ARL15: variants seen among roughly 807,000 people sequenced by gnomAD.
ARL15 encodes the protein ARF like GTPase 15.
A neutral mutation model predicts 25.2 loss-of-function variants in ARL15; 19 were observed. That is an observed-to-expected ratio of 0.75 (90% CI 0.53 to 1.10). ARL15 has a LOEUF of 1.10. Among genes scored for constraint, ARL15 ranks in the 50% least tolerant of loss-of-function variants. The pLI is 0.00. For missense variants in ARL15, 220 were observed against 246.0 expected (o/e 0.89, Z 0.71); for synonymous variants, 94 against 86.8 (o/e 1.08, Z -0.46).
intron 4 of ARL15, among the ~76,000 whole-genome samples, chr5:53,905,568 C>T (rs1016237980): frequency 6.6e-6 from 1 of 152,104 alleles, no homozygotes; most frequent in African/African-American, 2.4e-5. Context: ...TTTCTTAGCC[C>T]ATGCCCTGAT....
intron 1 of ARL15, among the ~76,000 whole-genome samples, chr5:54,298,941 T>A (rs887325441): frequency 6.6e-6 from 1 of 151,940 alleles, no homozygotes; most frequent in African/African-American, 2.4e-5. Flanking sequence ...TCTTGTTCTG[T>A]CACCCAGGCT....
At chr5:53,940,840 C>T (rs1472998711) in intron 4 of ARL15, among the ~76,000 whole-genome samples, 1 of 152,174 alleles carries the variant, frequency 6.6e-6, no homozygotes, top group African/African-American at 2.4e-5. Context: ...ATGATCACAT[C>T]ATGCAGCTGA....
At chr5:53,887,466 C>G (rs1744569178) in intron 4 of ARL15, 2 of 678,722 alleles carry the variant, frequency 2.9e-6, no homozygotes, top group Admixed American at 4.4e-5. Flanking sequence ...GTCACTCTTA[C>G]TATATTGGCC....
At chr5:53,963,452 T>C (rs1387545115) in intron 4 of ARL15, among the ~76,000 whole-genome samples, 3 of 152,338 alleles carry the variant, frequency 2.0e-5, no homozygotes, top group Non-Finnish European at 4.4e-5. Flanking sequence ...CCCAATTTTA[T>C]GAATTTCATA....
chr5:53,948,642 C>G (rs2112108741), intron 4 of ARL15, among the ~76,000 whole-genome samples: 1 of 152,278 alleles, frequency 6.6e-6, no homozygotes, highest in African/African-American at 2.4e-5. Flanking sequence ...ATTATTATTT[C>G]CAAGTGGACA....
chr5:53,988,767 T>C (rs1168327517), intron 4 of ARL15, among the ~76,000 whole-genome samples: 2 of 152,148 alleles, frequency 1.3e-5, no homozygotes, highest in African/African-American at 4.8e-5. Context: ...AAAACCTCAA[T>C]ACAAGTCCAG....
chr5:53,928,242 G>A (rs549951264), intron 4 of ARL15, among the ~76,000 whole-genome samples: 1 of 152,294 alleles, frequency 6.6e-6, no homozygotes, highest in East Asian at 1.9e-4. Context: ...GGTTGCTTAG[G>A]TAGTTTAGAT....
At position 54,147,546 on chromosome 5, in the gene ARL15, T is replaced by C. The variant is rs562475843; in HGVS notation, c.253+7034A>G. ...AATTATATAATAAATACAGAATATG[T>C]ACATTTACTTGTGTATAGCTGCCTG... On this transcript the variant is annotated intron_variant, in intron 3 of 4. Coordinates refer to ENST00000504924, the MANE Select transcript of ARL15 (RefSeq NM_019087.3). Among the ~76,000 whole-genome samples the C allele has an allele frequency of 3.9e-5, 6 of 152,320 alleles. No individual in the cohort carries two copies. In the East Asian group the frequency reaches 1.2e-3, roughly 29 times the overall value.
chr5:54,299,939 A>G (rs1050525983), intron 1 of ARL15, among the ~76,000 whole-genome samples: 1 of 152,050 alleles, frequency 6.6e-6, no homozygotes, highest in African/African-American at 2.4e-5. Flanking sequence ...GTTTCCATTT[A>G]CCTATGTGAA....
At chr5:54,060,584 G>A (rs1444614890) in intron 4 of ARL15, among the ~76,000 whole-genome samples, 4 of 152,222 alleles carry the variant, frequency 2.6e-5, no homozygotes, top group African/African-American at 9.6e-5. Flanking sequence ...CCCCAGCCAT[G>A]TGGAACTGTA....
Position 54,178,441 on chromosome 5 carries a change from G to T in ARL15, c.49-6513C>A, listed in dbSNP as rs563106860. Among the ~76,000 whole-genome samples, 4 of 152,258 alleles carry T rather than the reference G, an allele frequency of 2.6e-5. No individual in the cohort carries two copies. In the South Asian group the frequency reaches 8.3e-4, roughly 32 times the overall value. On this transcript the variant is annotated intron_variant, in intron 1 of 4. Coordinates refer to ENST00000504924, the MANE Select transcript of ARL15 (RefSeq NM_019087.3). ...TGGTCTCGCCAGACAGAAACACAAG[G>T]TCTCCTATGACAGCTCACCAGGTCT...
chr5:54,116,663 C>T (rs1262378219), intron 3 of ARL15, among the ~76,000 whole-genome samples: 1 of 152,148 alleles, frequency 6.6e-6, no homozygotes, highest in East Asian at 1.9e-4. Context: ...GTAGTTCTGA[C>T]ATGAATGGTG....
chr5:54,058,920 G>C (rs986260914), intron 4 of ARL15, among the ~76,000 whole-genome samples: 2 of 152,218 alleles, frequency 1.3e-5, no homozygotes, highest in Non-Finnish European at 2.9e-5. Flanking sequence ...CACATCAGGA[G>C]TGATGATGGA....
At chr5:54,305,467 A>T (rs35946) in intron 1 of ARL15, among the ~76,000 whole-genome samples, 37,132 of 152,034 alleles carry the variant, frequency 0.24, 4,915 homozygotes, top group African/African-American at 0.32. Context: ...TCACAAAAAA[A>T]AAATAAATAA....
chr5:54,092,073 C>CACACACA (rs143647206), intron 4 of ARL15, among the ~76,000 whole-genome samples: 1 of 149,708 alleles, frequency 6.7e-6, no homozygotes, highest in African/African-American at 2.5e-5. Flanking sequence ...CACACACACA[C>CACACACA]CACCACCACC....
At chr5:54,142,251 A>G (rs535034465) in intron 3 of ARL15, among the ~76,000 whole-genome samples, 14 of 152,244 alleles carry the variant, frequency 9.2e-5, no homozygotes, top group African/African-American at 3.4e-4. Context: ...TTTTTTCTAA[A>G]TTAGACATCA....
chr5:54,146,189 C>A (rs570261145), intron 3 of ARL15, among the ~76,000 whole-genome samples: 1 of 151,608 alleles, frequency 6.6e-6, no homozygotes, highest in Non-Finnish European at 1.5e-5. Flanking sequence ...TGAGACTTAT[C>A]CAAATGTTTA....
At chr5:53,953,887 C>T (rs1478057664) in intron 4 of ARL15, among the ~76,000 whole-genome samples, 1 of 152,086 alleles carries the variant, frequency 6.6e-6, no homozygotes, top group Non-Finnish European at 1.5e-5. Context: ...TCTATGATCA[C>T]TTAAAAACAC....
chr5:54,037,691 A>T (rs1750214529), intron 4 of ARL15, among the ~76,000 whole-genome samples: 1 of 152,140 alleles, frequency 6.6e-6, no homozygotes, highest in Non-Finnish European at 1.5e-5. Flanking sequence ...GTATTTAATA[A>T]TGAAATGCTT....
Sources: allele counts gnomAD v4.1 joint callset (sites outside exome capture counted in the v4.1 genomes callset), GRCh38; gene constraint gnomAD v4.1.1; transcripts MANE v1.5; gene names NCBI Gene and HGNC (gene_info 2026-07-23, HGNC 2026-07-21).